THSD4: variants seen among roughly 807,000 people sequenced by gnomAD.
THSD4 encodes thrombospondin type-1 domain-containing protein 4.
A neutral mutation model predicts 119.0 loss-of-function variants in THSD4; 69 were observed. The observed-to-expected ratio is 0.58, with a 90% CI of 0.48 to 0.71. The LOEUF is 0.71. Ranked by LOEUF, THSD4 falls within the 30% of genes least tolerant of loss-of-function variation. The probability of loss-of-function intolerance (pLI) is 0.00; values close to 1 mark genes in which losing one functional copy is unlikely to be tolerated. For synonymous variants in THSD4, 524 were observed against 540.4 expected, an observed-to-expected ratio of 0.97 and a Z score of 0.42; for missense variants, 1,393 against 1,391.1, an observed-to-expected ratio of 1.00 and a Z score of -0.02.
chr15:71,717,069 A>C (rs1338636844), intron 8 of THSD4, among the ~76,000 whole-genome samples: 1 of 152,196 alleles, frequency 6.6e-6, no homozygotes, highest in Non-Finnish European at 1.5e-5. Flanking sequence ...TTTTGCATAC[A>C]TATGTGAGCC....
chr15:71,274,581 C>T (rs1292674796), intron 6 of THSD4, among the ~76,000 whole-genome samples: 3 of 152,124 alleles, frequency 2.0e-5, no homozygotes, highest in Non-Finnish European at 4.4e-5. Context: ...CCACTGCTGC[C>T]AAGTAGGAGT....
At position 71,479,551 on chromosome 15, in the gene THSD4, G is replaced by A. The variant is rs927633019; in HGVS notation, c.1152+67728G>A. 1.6e-3 allele frequency among the ~76,000 whole-genome samples: 241 copies of A among 152,200 alleles called. 1 individual carries two copies. Among genetic ancestry groups the A allele is most frequent in the African/African-American group, 5.4e-3 (223 of 41,540 alleles). ...GCACTAATTCACAGATATGCATCTCGGAGTCTGAAACAGAGACTTTTCATT... is the reference window on the plus strand; with the variant it reads ...GCACTAATTCACAGATATGCATCTCAGAGTCTGAAACAGAGACTTTTCATT... On this transcript the variant is annotated intron_variant, in intron 7 of 17. Transcript: ENST00000261862.
At chr15:71,714,156 C>G (rs2052564171) in intron 8 of THSD4, among the ~76,000 whole-genome samples, 1 of 152,146 alleles carries the variant, frequency 6.6e-6, no homozygotes, top group East Asian at 1.9e-4. Context: ...CCTTCCTGAA[C>G]CTATTCTTCT....
At chr15:71,273,503 T>C (rs1177936317) in intron 6 of THSD4, among the ~76,000 whole-genome samples, 2 of 152,142 alleles carry the variant, frequency 1.3e-5, no homozygotes, top group Non-Finnish European at 2.9e-5. Flanking sequence ...TAATTAATAA[T>C]AATGTATATT....
chr15:71,448,380 C>T lies in THSD4; in HGVS notation c.1152+36557C>T, dbSNP rs145149053. Among the ~76,000 whole-genome samples, 14 of 152,246 alleles carry T rather than the reference C, an allele frequency of 9.2e-5. No homozygotes were observed. The East Asian group carries it at 2.5e-3, about 27-fold the overall frequency. ...CCGGTCCTTATCTCAAGTCTAACTC[C>T]CTTAACATTTGGGGGCATTTCATAA... On this transcript the variant is annotated intron_variant, in intron 7 of 17. Transcript: ENST00000261862.
intron 6 of THSD4, among the ~76,000 whole-genome samples, chr15:71,329,758 C>T (rs2045397955): frequency 6.6e-6 from 1 of 152,164 alleles, no homozygotes; most frequent in African/African-American, 2.4e-5. Context: ...GGGTGCTTAG[C>T]ACATTGAAAA....
At chr15:71,749,824 ATCC>A in intron 14 of THSD4, among the ~76,000 whole-genome samples, 1 of 151,622 alleles carries the variant, frequency 6.6e-6, no homozygotes, top group South Asian at 2.1e-4. Context: ...GGATCAAGCA[ATCC>A]TCCTGCCTCA....
At chr15:71,645,460 A>G (rs2050950923) in intron 7 of THSD4, among the ~76,000 whole-genome samples, 1 of 152,188 alleles carries the variant, frequency 6.6e-6, no homozygotes, top group African/African-American at 2.4e-5. Flanking sequence ...CCATGATTTA[A>G]TTACCTCCCA....
chr15:71,399,517 G>A (rs2046496400), intron 6 of THSD4, among the ~76,000 whole-genome samples: 1 of 152,200 alleles, frequency 6.6e-6, no homozygotes, highest in Admixed American at 6.5e-5. Context: ...AGTCTTCACT[G>A]TCTAGCTTTC....
chr15:71,426,561 A>G (rs1260919165), intron 7 of THSD4, among the ~76,000 whole-genome samples: 1 of 152,092 alleles, frequency 6.6e-6, no homozygotes, highest in Non-Finnish European at 1.5e-5. Flanking sequence ...TTATATTTTT[A>G]GTCCAATGAA....
intron 7 of THSD4, among the ~76,000 whole-genome samples, chr15:71,545,873 T>C (rs1487628122): frequency 1.3e-5 from 2 of 152,218 alleles, no homozygotes; most frequent in Non-Finnish European, 2.9e-5. Context: ...TGACTGGTGA[T>C]AATAAACTTT....
chr15:71,225,253 G>A (rs1289553745), intron 4 of THSD4, among the ~76,000 whole-genome samples: 1 of 152,174 alleles, frequency 6.6e-6, no homozygotes, highest in African/African-American at 2.4e-5. Flanking sequence ...AATGCCCAAG[G>A]CAGCCAGTAT....
chr15:71,567,051 T>C (rs1383029921), intron 7 of THSD4, among the ~76,000 whole-genome samples: 2 of 152,156 alleles, frequency 1.3e-5, no homozygotes, highest in East Asian at 1.9e-4. Flanking sequence ...CAACTTCGCA[T>C]AGCAACGCTA....
At chr15:71,294,338 C>A (rs2044832712) in intron 6 of THSD4, among the ~76,000 whole-genome samples, 1 of 152,170 alleles carries the variant, frequency 6.6e-6, no homozygotes, top group Admixed American at 6.5e-5. Context: ...TCAAAGAAGT[C>A]AGATTTCTCT....
intron 6 of THSD4, 84 bp from the exon 7 acceptor site, chr15:71,411,603 G>C: frequency 7.0e-7 from 1 of 1,422,704 alleles, no homozygotes; most frequent in Non-Finnish European, 9.4e-7. Flanking sequence ...AAAAATTATA[G>C]GAAGAAAAAA....
intron 7 of THSD4, among the ~76,000 whole-genome samples, chr15:71,591,528 C>T (rs1201225958): frequency 6.6e-6 from 1 of 152,180 alleles, no homozygotes; most frequent in African/African-American, 2.4e-5. Flanking sequence ...CTGGGCTTCC[C>T]TGTCACACAT....
chr15:71,581,816 A>C (rs1341531860), intron 7 of THSD4, among the ~76,000 whole-genome samples: 1 of 152,144 alleles, frequency 6.6e-6, no homozygotes, highest in Non-Finnish European at 1.5e-5. Context: ...GAAGATCATC[A>C]GTTGACTGTA....
intron 8 of THSD4, among the ~76,000 whole-genome samples, chr15:71,724,068 TAAAAAAA>T (rs71154796): frequency 2.4e-5 from 3 of 123,558 alleles, no homozygotes; most frequent in Admixed American, 8.6e-5. Context: ...TGTCTTTATT[TAAAAAAA>T]AAAAAAAAAA....
At chr15:71,577,710 T>TTTTATGTTATG (rs1176297693) in intron 7 of THSD4, among the ~76,000 whole-genome samples, 1 of 71,430 alleles carries the variant, frequency 1.4e-5, no homozygotes, top group Admixed American at 1.8e-4. Flanking sequence ...CCTTTATTTA[T>TTTTATGTTATG]TTATTTTATT....
Sources: allele counts gnomAD v4.1 joint callset (sites outside exome capture counted in the v4.1 genomes callset), GRCh38; gene constraint gnomAD v4.1.1; transcripts MANE v1.5; gene names NCBI Gene and HGNC (gene_info 2026-07-23, HGNC 2026-07-21).